Variants in ANKFN1 observed in about 807,000 individuals in gnomAD.
The protein encoded by ANKFN1 is ankyrin repeat and fibronectin type-III domain-containing protein 1.
Under a neutral mutation model 108.7 loss-of-function variants are expected in ANKFN1, and 74 were observed. The ratio of observed to expected loss-of-function variants is 0.68; its 90% CI spans 0.56 to 0.83. The LOEUF (loss-of-function observed/expected upper bound fraction) is 0.83, where lower values mean the gene tolerates loss of function less well. Among genes scored for constraint, ANKFN1 ranks in the 40% least tolerant of loss-of-function variants. ANKFN1 has a pLI of 0.00. For synonymous variants in ANKFN1, 547 were observed against 516.2 expected (o/e 1.06, Z -0.81); for missense variants, 1,505 against 1,382.3 (o/e 1.09, Z -1.41).
intron 8 of ANKFN1, among the ~76,000 whole-genome samples, chr17:56,401,103 G>T (rs920297958): frequency 6.0e-4 from 92 of 152,096 alleles, no homozygotes; most frequent in African/African-American, 2.2e-3. Context: ...TTTTATAATT[G>T]CTTTTTCTAA....
intron 4 of ANKFN1, among the ~76,000 whole-genome samples, chr17:56,125,232 T>A (rs1182408684): frequency 6.6e-6 from 1 of 152,228 alleles, no homozygotes; most frequent in Non-Finnish European, 1.5e-5. Flanking sequence ...TATCTTTGGT[T>A]CCTCAAAGGG....
At chr17:56,281,531 T>C (rs1319350819) in intron 3 of ANKFN1, among the ~76,000 whole-genome samples, 1 of 152,076 alleles carries the variant, frequency 6.6e-6, no homozygotes, top group Non-Finnish European at 1.5e-5. Flanking sequence ...TTCATCTAAA[T>C]TAAAAATTAA....
At chr17:56,095,943 A>T (rs181531270) in intron 4 of ANKFN1, among the ~76,000 whole-genome samples, 3 of 152,332 alleles carry the variant, frequency 2.0e-5, no homozygotes, top group South Asian at 2.1e-4. Context: ...GCTCTTTGGA[A>T]TCAGAGATGC....
intron 3 of ANKFN1, among the ~76,000 whole-genome samples, chr17:56,306,063 C>T (rs1037543333): frequency 6.6e-6 from 1 of 152,222 alleles, no homozygotes; most frequent in South Asian, 2.1e-4. Flanking sequence ...TATAGATACA[C>T]AGTAACTCTT....
intron 2 of ANKFN1, among the ~76,000 whole-genome samples, chr17:56,220,864 A>C (rs146572047): frequency 1.1e-4 from 2 of 18,100 alleles, no homozygotes; most frequent in African/African-American, 5.9e-4. Context: ...GGAAGGAAGG[A>C]AGGAAGGGAG....
chr17:56,141,312 C>T (rs970362149), intron 4 of ANKFN1, among the ~76,000 whole-genome samples: 6 of 152,202 alleles, frequency 3.9e-5, no homozygotes, highest in Admixed American at 6.5e-5. Flanking sequence ...TTCCAAGCCT[C>T]TAATATGGAA....
intron 3 of ANKFN1, among the ~76,000 whole-genome samples, chr17:56,325,522 ATCT>A (rs2045492539): frequency 6.6e-6 from 1 of 152,196 alleles, no homozygotes; most frequent in Admixed American, 6.5e-5. Flanking sequence ...CAGCACTGGA[ATCT>A]TCTTCCTGAG....
At position 56,315,609 on chromosome 17, in the gene ANKFN1, G is replaced by T. The variant is rs549355167; in HGVS notation, c.54-10612G>T. Reference sequence around the variant, plus strand: ...TTCAACGCCTTTGCTGTGCTGCAAGGTGCATCCAGTAGGTTTCACAATGCA... The same window carrying T: ...TTCAACGCCTTTGCTGTGCTGCAAGTTGCATCCAGTAGGTTTCACAATGCA... On this transcript the variant is annotated intron_variant, in intron 3 of 20. Coordinates refer to ENST00000682825, the MANE Select transcript of ANKFN1 (RefSeq NM_001370326.1). Among the ~76,000 whole-genome samples, 136 of 152,294 alleles carry T rather than the reference G, an allele frequency of 8.9e-4. 1 individual carries two copies. Among genetic ancestry groups the T allele is most frequent in the African/African-American group, 3.0e-3 (124 of 41,576 alleles).
intron 4 of ANKFN1, among the ~76,000 whole-genome samples, chr17:56,105,711 C>CTGTGTG (rs147924842): frequency 0.25 from 36,255 of 144,406 alleles, 5,509 homozygotes; most frequent in South Asian, 0.45. Flanking sequence ...GTTTTTTTGT[C>CTGTGTG]TGTGTGTGTG....
At chr17:56,288,854 C>A (rs899415900) in intron 3 of ANKFN1, among the ~76,000 whole-genome samples, 3 of 152,180 alleles carry the variant, frequency 2.0e-5, no homozygotes, top group African/African-American at 7.2e-5. Flanking sequence ...TCACACCCTA[C>A]CTCTGACCTT....
intron 2 of ANKFN1, among the ~76,000 whole-genome samples, chr17:56,215,193 G>T (rs1336353021): frequency 2.6e-5 from 4 of 152,176 alleles, no homozygotes; most frequent in Non-Finnish European, 5.9e-5. Context: ...CCCTGACTGG[G>T]GATGATCCTG....
intron 4 of ANKFN1, among the ~76,000 whole-genome samples, chr17:56,141,510 C>T (rs776403036): frequency 1.1e-4 from 16 of 152,110 alleles, no homozygotes; most frequent in Non-Finnish European, 2.1e-4. Context: ...GTGAATGCTT[C>T]AGCAAATCTT....
At chr17:56,451,546 T>C (rs1360192838) in intron 11 of ANKFN1, among the ~76,000 whole-genome samples, 2 of 152,174 alleles carry the variant, frequency 1.3e-5, no homozygotes, top group Non-Finnish European at 2.9e-5. Flanking sequence ...AACTTTACAA[T>C]TAGAAAAAGT....
At chr17:56,066,857 C>G (rs1905064544) in intron 4 of ANKFN1, among the ~76,000 whole-genome samples, 1 of 152,142 alleles carries the variant, frequency 6.6e-6, no homozygotes, top group Admixed American at 6.5e-5. Context: ...CACTTCATAA[C>G]ATTGTCAAGG....
At chr17:56,078,004 G>A (rs548496087) in intron 4 of ANKFN1, among the ~76,000 whole-genome samples, 59 of 152,240 alleles carry the variant, frequency 3.9e-4, no homozygotes, top group African/African-American at 6.5e-4. Flanking sequence ...TTGGTATGCC[G>A]TGGAGATTCT....
intron 18 of ANKFN1, among the ~76,000 whole-genome samples, chr17:56,483,178 G>A (rs921388065): frequency 2.6e-5 from 4 of 152,178 alleles, no homozygotes; most frequent in African/African-American, 9.7e-5. Context: ...AAAATGAATA[G>A]CCTGGGCTCC....
chr17:56,348,921 T>C (rs1310908367), intron 4 of ANKFN1, among the ~76,000 whole-genome samples: 1 of 152,142 alleles, frequency 6.6e-6, no homozygotes, highest in African/African-American at 2.4e-5. Context: ...TAAAGATACA[T>C]GCATGCATAT....
intron 3 of ANKFN1, among the ~76,000 whole-genome samples, chr17:56,266,109 T>C (rs758354994): frequency 1.3e-5 from 2 of 152,226 alleles, no homozygotes; most frequent in Non-Finnish European, 2.9e-5. Context: ...CAGTAGTGCT[T>C]GAATCATAAA....
At chr17:56,204,787 T>G (rs978405515) in intron 1 of ANKFN1, among the ~76,000 whole-genome samples, 7 of 152,166 alleles carry the variant, frequency 4.6e-5, no homozygotes, top group African/African-American at 1.7e-4. Flanking sequence ...TTTAAAAACT[T>G]TGTACTGGCT....
Sources: gnomAD v4.1 joint callset for allele counts (sites outside exome capture counted in the v4.1 genomes callset) on GRCh38, gnomAD v4.1.1 for gene constraint, MANE v1.5 for transcripts, NCBI Gene and HGNC (gene_info 2026-07-23, HGNC 2026-07-21) for gene names.